Variants in DENND5A observed in about 807,000 individuals in gnomAD.
DENND5A encodes DENN domain-containing protein 5A.
A neutral mutation model predicts 140.3 loss-of-function variants in DENND5A; 64 were observed. The ratio of observed to expected loss-of-function variants is 0.46; its 90% CI spans 0.37 to 0.56. The LOEUF (loss-of-function observed/expected upper bound fraction) is 0.56. Among genes scored for constraint, DENND5A ranks in the 20% least tolerant of loss-of-function variants. DENND5A has a pLI of 0.00. For missense variants in DENND5A, 1,292 were observed against 1,593.8 expected, an observed-to-expected ratio of 0.81 and a Z score of 3.22; for synonymous variants, 605 against 607.7, an observed-to-expected ratio of 1.00 and a Z score of 0.07.
intron 1 of DENND5A, among the ~76,000 whole-genome samples, chr11:9,240,341 G>A (rs1851182532): frequency 1.3e-5 from 2 of 152,266 alleles, no homozygotes; most frequent in East Asian, 1.9e-4. Flanking sequence ...GTTGCAGTGA[G>A]CCAAGGTTGC....
intron 6 of DENND5A, among the ~76,000 whole-genome samples, chr11:9,180,122 G>A (rs1350336031): frequency 2.0e-5 from 3 of 152,080 alleles, no homozygotes; most frequent in Non-Finnish European, 4.4e-5. Context: ...TGTTCTATCT[G>A]CCTTAGGTTG....
Position 9,151,867 on chromosome 11 carries a change from G to C in DENND5A, c.2521+491C>G, listed in dbSNP as rs148931525. Among the ~76,000 whole-genome samples the C allele has an allele frequency of 1.5e-4, 23 of 152,276 alleles. No individual in the cohort carries two copies. In the East Asian group the frequency reaches 4.4e-3, roughly 29 times the overall value. On this transcript the variant is annotated intron_variant, in intron 13 of 22. Coordinates refer to ENST00000328194, the MANE Select transcript of DENND5A (RefSeq NM_015213.4). ...AAGGGCCTGGACTAGATGACCTCTG[G>C]AGTTGCCACAAACTCTGACATTTTT...
intron 5 of DENND5A, among the ~76,000 whole-genome samples, chr11:9,192,422 T>C (rs954875929): frequency 6.6e-6 from 1 of 152,058 alleles, no homozygotes; most frequent in Non-Finnish European, 1.5e-5. Context: ...AGGTCAGGCG[T>C]TCGAGACCAG....
intron 1 of DENND5A, among the ~76,000 whole-genome samples, chr11:9,239,431 G>C (rs1230683809): frequency 6.6e-6 from 1 of 150,696 alleles, no homozygotes; most frequent in East Asian, 2.0e-4. Context: ...CAACCCCTCA[G>C]ACTCAAGCAA....
At position 9,218,656 on chromosome 11, in the gene DENND5A, G is replaced by A. The variant is rs1213654232; in HGVS notation, c.110-11024C>T. Among the ~76,000 whole-genome samples the A allele has an allele frequency of 5.9e-5, 9 of 152,294 alleles. 1 individual carries two copies. In the South Asian group the frequency reaches 1.7e-3, roughly 28 times the overall value. ...GCCCGGGAGATGAAGGTTAGAGTGA[G>A]CTGTGATCGTGTCACTGCACTCCAG... On this transcript the variant is annotated intron_variant, in intron 1 of 22. Transcript: ENST00000328194.
chr11:9,232,623 G>T (rs1056112531), intron 1 of DENND5A, among the ~76,000 whole-genome samples: 1 of 152,164 alleles, frequency 6.6e-6, no homozygotes, highest in Non-Finnish European at 1.5e-5. Context: ...CTGCAAGTGG[G>T]AATGTAAACT....
chr11:9,180,958 G>T lies in DENND5A; in HGVS notation c.1264C>A (p.Pro422Thr), dbSNP rs750256441. The T allele has an allele frequency of 5.6e-6, 9 of 1,614,176 alleles. No individual in the cohort carries two copies. The highest frequency in any genetic ancestry group is 6.8e-6 in the Non-Finnish European group (8 of 1,180,032). ...TCACTGCAATGAAGATTCCCTTCAG[G>T]GGGAATTCCAAATGCCATGAGAATC... ...SEILMAFGIP[P>T]EGNLHCSESA... Residue 422 changes from proline to threonine, a missense_variant, in exon 6 of 23, where the codon CCT (proline) becomes ACT (threonine). Pro to Thr is a conservative substitution (Grantham distance 38). Around this residue, in one of 4 missense-constraint regions of DENND5A, gnomAD observed 566 missense variants for 650.4 expected, o/e 0.87. Coordinates refer to ENST00000328194, the MANE Select transcript of DENND5A (RefSeq NM_015213.4).
chr11:9,261,425 G>GA (rs1243480786), intron 1 of DENND5A, among the ~76,000 whole-genome samples: 2 of 152,098 alleles, frequency 1.3e-5, no homozygotes, highest in African/African-American at 4.8e-5. Context: ...GCTGAGGAGA[G>GA]AAAATGCACC....
intron 15 of DENND5A, among the ~76,000 whole-genome samples, chr11:9,148,061 C>G (rs1006284996): frequency 6.6e-6 from 1 of 152,204 alleles, no homozygotes; most frequent in African/African-American, 2.4e-5. Flanking sequence ...CGCCTATCCT[C>G]AAATGCAGTC....
At chr11:9,253,132 C>A (rs1450748794) in intron 1 of DENND5A, among the ~76,000 whole-genome samples, 2 of 152,100 alleles carry the variant, frequency 1.3e-5, no homozygotes, top group Admixed American at 1.3e-4. Flanking sequence ...GGATTACAGG[C>A]ATGAGCTACC....
At chr11:9,246,019 T>C (rs941030418) in intron 1 of DENND5A, among the ~76,000 whole-genome samples, 3 of 152,162 alleles carry the variant, frequency 2.0e-5, no homozygotes, top group African/African-American at 7.2e-5. Flanking sequence ...GAAATTTGCC[T>C]ACCTGACTCT....
At chr11:9,215,264 C>T (rs1850043422) in intron 1 of DENND5A, among the ~76,000 whole-genome samples, 1 of 152,212 alleles carries the variant, frequency 6.6e-6, no homozygotes, top group Non-Finnish European at 1.5e-5. Context: ...CATGATCCAA[C>T]TCATGTACCT....
chr11:9,235,014 G>A (rs1048092511), intron 1 of DENND5A, among the ~76,000 whole-genome samples: 6 of 152,108 alleles, frequency 3.9e-5, no homozygotes, highest in African/African-American at 7.2e-5. Flanking sequence ...GCTGGCATCC[G>A]CAAACCTGAA....
intron 22 of DENND5A, among the ~76,000 whole-genome samples, chr11:9,140,415 A>G (rs1005295388): frequency 6.6e-6 from 1 of 152,144 alleles, no homozygotes; most frequent in African/African-American, 2.4e-5. Flanking sequence ...CACTATGCCA[A>G]TTCTCTCCCT....
chr11:9,170,858 A>C (rs1848349679), intron 8 of DENND5A, 81 bp from the exon 9 acceptor site: 1 of 1,571,940 alleles, frequency 6.4e-7, no homozygotes, highest in East Asian at 2.3e-5. Context: ...ACATTCTTTA[A>C]GAATCTAGCT....
At chr11:9,180,243 G>A (rs889271210) in intron 6 of DENND5A, among the ~76,000 whole-genome samples, 3 of 151,936 alleles carry the variant, frequency 2.0e-5, no homozygotes, top group Admixed American at 6.6e-5. Context: ...GCTTGAGCCC[G>A]GAAGTTTGAG....
intron 1 of DENND5A, among the ~76,000 whole-genome samples, chr11:9,213,669 T>C (rs953125982): frequency 1.1e-4 from 17 of 151,570 alleles, no homozygotes; most frequent in African/African-American, 3.9e-4. Context: ...TAGCCAGGCA[T>C]GGTGGCAGGT....
chr11:9,179,054 G>C lies in DENND5A; in HGVS notation c.1475C>G (p.Pro492Arg). 2 of 1,613,938 alleles carry C rather than the reference G, an allele frequency of 1.2e-6. No individual in the cohort carries two copies. The highest frequency in any genetic ancestry group is 1.7e-6 in the Non-Finnish European group (2 of 1,179,970). ...AACTTTGAGATCCTTATTGCTGCTGGGGTCTTCACGCACTTCCAACTACAA... is the reference window on the plus strand; with the variant it reads ...AACTTTGAGATCCTTATTGCTGCTGCGGTCTTCACGCACTTCCAACTACAA... ...SLEKLEVRED[P>R]SSNKDLKVQC... Residue 492 changes from proline (P) to arginine (R), a missense_variant, in exon 7 of 23, where the codon CCC becomes CGC. By Grantham distance (103) the Pro-to-Arg change is moderately radical. This residue lies in a region of DENND5A where 566 missense variants were observed against 650.4 expected (regional missense o/e 0.87). Transcript: ENST00000328194.
At chr11:9,252,345 C>T (rs1166399519) in intron 1 of DENND5A, among the ~76,000 whole-genome samples, 2 of 142,866 alleles carry the variant, frequency 1.4e-5, no homozygotes, top group East Asian at 4.3e-4. Context: ...GCCGTAATAG[C>T]CTGTGTTTAA....
Sources: allele counts gnomAD v4.1 joint callset (sites outside exome capture counted in the v4.1 genomes callset), GRCh38; gene constraint gnomAD v4.1.1; regional missense constraint gnomAD v4.1.1; transcripts MANE v1.5; gene names NCBI Gene and HGNC (gene_info 2026-07-23, HGNC 2026-07-21).